The following TOX3 variants were observed in gnomAD, a reference collection of about 807,000 sequenced individuals.
TOX3 encodes the protein TOX high mobility group box family member 3.
In TOX3, 22 loss-of-function variants were observed where a neutral mutation model predicts 64.3. That is an observed-to-expected ratio of 0.34 (90% CI 0.24 to 0.49). TOX3 has a LOEUF of 0.49. Ranked by LOEUF, TOX3 falls within the 20% of genes least tolerant of loss-of-function variation. The pLI, the probability that TOX3 is intolerant of heterozygous loss-of-function variation, is 0.99. For missense variants in TOX3, 661 were observed against 714.4 expected, an observed-to-expected ratio of 0.93 and a Z score of 0.85; for synonymous variants, 291 against 273.6, an observed-to-expected ratio of 1.06 and a Z score of -0.63.
At chr16:52,493,923 A>G (rs749858359) in intron 1 of TOX3, among the ~76,000 whole-genome samples, 3 of 152,196 alleles carry the variant, frequency 2.0e-5, no homozygotes, top group Non-Finnish European at 4.4e-5. Context: ...CCCTGTGGGC[A>G]CATGCTCTTT....
At chr16:52,483,788 C>G (rs1017823991) in intron 1 of TOX3, among the ~76,000 whole-genome samples, 3 of 110,348 alleles carry the variant, frequency 2.7e-5, no homozygotes, top group African/African-American at 4.4e-5. Flanking sequence ...AGGCTGGTCT[C>G]AAACTCCTGA....
Position 52,546,877 on chromosome 16 carries a change from C to G in TOX3, c.-154G>C. The G allele has an allele frequency of 8.5e-7, 1 of 1,180,820 alleles. No homozygotes were observed. The highest frequency in any genetic ancestry group is 1.0e-6 in the Non-Finnish European group (1 of 955,660). 73.1% of individuals were successfully genotyped at this position (1,180,820 alleles called of 1,614,324 possible). A position where few individuals can be genotyped will look rare whatever the true frequency, so the allele number is the denominator to read the frequency against. ...GCGCCGGGACCCAGAGCCCGAGGAG[C>G]TCGGGAGCCGCGGCCGCCGCACACA... On this transcript the variant is annotated 5_prime_UTR_variant, in exon 1 of 7. Transcript: ENST00000219746.
chr16:52,526,192 C>T (rs564205282), intron 1 of TOX3, among the ~76,000 whole-genome samples: 10 of 152,272 alleles, frequency 6.6e-5, no homozygotes, highest in African/African-American at 2.4e-4. Flanking sequence ...CATCAAGATT[C>T]GACCAAGCCT....
At chr16:52,519,972 AAAAC>A (rs1168206358) in intron 1 of TOX3, among the ~76,000 whole-genome samples, 1,640 of 87,050 alleles carry the variant, frequency 0.019, 31 homozygotes, top group African/African-American at 0.14. Context: ...CTCTGTCTCA[AAAAC>A]AAAAAAAAAA....
rs144409114 is a variant in TOX3, at chr16:52,472,819, G to C, written c.88-4245C>G. On this transcript the variant is annotated intron_variant, in intron 1 of 6. Transcript: ENST00000219746. The stretch of plus-strand genomic sequence containing the variant: ...TTGGCATTTATGAGGCACACTGGTG[G>C]TAATAGGTCCTTTTCCATGCTGATA... 2.1e-3 allele frequency among the ~76,000 whole-genome samples: 325 copies of C among 152,274 alleles called. 1 individual carries two copies. The highest frequency in any genetic ancestry group is 7.6e-3 in the African/African-American group (317 of 41,562).
At chr16:52,493,200 A>G (rs1176273219) in intron 1 of TOX3, among the ~76,000 whole-genome samples, 2 of 152,206 alleles carry the variant, frequency 1.3e-5, no homozygotes, top group African/African-American at 2.4e-5. Flanking sequence ...GAACTTTCAC[A>G]GAATAAGGTG....
chr16:52,454,204 G>A (rs1365184512), intron 3 of TOX3, among the ~76,000 whole-genome samples: 4 of 150,340 alleles, frequency 2.7e-5, no homozygotes, highest in Non-Finnish European at 5.9e-5. Flanking sequence ...ATTTCCATTT[G>A]TTTTATAAAT....
intron 1 of TOX3, among the ~76,000 whole-genome samples, chr16:52,473,607 T>C (rs903518729): frequency 7.2e-5 from 11 of 152,176 alleles, no homozygotes; most frequent in African/African-American, 2.4e-4. Flanking sequence ...GGAGAGATCA[T>C]CAAGGTTCAA....
intron 1 of TOX3, among the ~76,000 whole-genome samples, chr16:52,516,419 C>T (rs1962457818): frequency 6.6e-6 from 1 of 152,142 alleles, no homozygotes; most frequent in Non-Finnish European, 1.5e-5. Context: ...CTGTCTCATT[C>T]ATCAGCAGCA....
intron 3 of TOX3, among the ~76,000 whole-genome samples, chr16:52,455,852 T>G (rs1052825263): frequency 2.6e-5 from 4 of 152,018 alleles, no homozygotes; most frequent in Non-Finnish European, 4.4e-5. Context: ...AAGGGTGAAA[T>G]GCAATAGGCT....
At chr16:52,478,364 A>G (rs566439728) in intron 1 of TOX3, among the ~76,000 whole-genome samples, 5 of 152,152 alleles carry the variant, frequency 3.3e-5, no homozygotes, top group African/African-American at 1.2e-4. Flanking sequence ...TCTCCCTTCT[A>G]TCCCTACTTT....
chr16:52,528,826 G>T (rs1962784051), intron 1 of TOX3, among the ~76,000 whole-genome samples: 1 of 152,174 alleles, frequency 6.6e-6, no homozygotes, highest in Non-Finnish European at 1.5e-5. Context: ...GGTTTTATAA[G>T]AGGTTAACTG....
At chr16:52,492,907 A>G (rs1170916373) in intron 1 of TOX3, among the ~76,000 whole-genome samples, 1 of 151,952 alleles carries the variant, frequency 6.6e-6, no homozygotes, top group Admixed American at 6.6e-5. Context: ...GCAAAAAAAA[A>G]AAAAAAGTTC....
At chr16:52,463,827 T>G in intron 3 of TOX3, 107 bp downstream of exon 3, 3 of 1,329,674 alleles carry the variant, frequency 2.3e-6, no homozygotes, top group Non-Finnish European at 3.0e-6. Context: ...CTAGAATCAA[T>G]CCACTAGGAA....
At position 52,505,044 on chromosome 16, in the gene TOX3, G is replaced by C. The variant is rs1352259462; in HGVS notation, c.88-36470C>G. ...GAGACGGGTTTCACCATGTTGGCCAGGCTGGTCTTGAACTCCTGACCTCAA... is the reference window on the plus strand; with the variant it reads ...GAGACGGGTTTCACCATGTTGGCCACGCTGGTCTTGAACTCCTGACCTCAA... On this transcript the variant is annotated intron_variant, in intron 1 of 6. Transcript: ENST00000219746. Among the ~76,000 whole-genome samples the C allele has an allele frequency of 2.6e-5, 4 of 152,140 alleles. No homozygotes were observed. The East Asian group carries it at 7.7e-4, about 29-fold the overall frequency.
intron 1 of TOX3, among the ~76,000 whole-genome samples, chr16:52,493,569 T>G (rs748487706): frequency 6.6e-6 from 1 of 152,212 alleles, no homozygotes; most frequent in Non-Finnish European, 1.5e-5. Flanking sequence ...TTATAAATAT[T>G]GGACAAACCT....
At chr16:52,547,673 G>C (rs1389793770), upstream of TOX3, 1 of 152,170 alleles carries the variant, frequency 6.6e-6, no homozygotes. Flanking sequence ...CAACCTGCAC[G>C]AGTGTCTCCC....
At chr16:52,444,246 T>C (rs1265010947) in intron 6 of TOX3, 30 bp downstream of exon 6, 7 of 1,510,484 alleles carry the variant, frequency 4.6e-6, no homozygotes, top group South Asian at 3.8e-5. Context: ...GTGACTATTT[T>C]GGAGCCTGGC....
At position 52,512,312 on chromosome 16, in the gene TOX3, T is replaced by C. The variant is rs141950272; in HGVS notation, c.87+34325A>G. Among the ~76,000 whole-genome samples, 15 of 151,280 alleles carry C rather than the reference T, an allele frequency of 9.9e-5. No individual in the cohort carries two copies. In the East Asian group the frequency reaches 2.9e-3, roughly 29 times the overall value. ...AAATAGTTGACCAAGTACCAGGAGG[T>C]TTCAAAGGAAAAACTAGGAAGCTGA... On this transcript the variant is annotated intron_variant, in intron 1 of 6. Coordinates refer to ENST00000219746, the MANE Select transcript of TOX3 (RefSeq NM_001080430.4).
Sources: allele counts gnomAD v4.1 joint callset (sites outside exome capture counted in the v4.1 genomes callset), GRCh38; gene constraint gnomAD v4.1.1; transcripts MANE v1.5; gene names NCBI Gene and HGNC (gene_info 2026-07-23, HGNC 2026-07-21).